Variants in GLIS1 observed in about 807,000 individuals in gnomAD.
GLIS1 encodes the protein GLIS family zinc finger 1.
Under a neutral mutation model 63.8 loss-of-function variants are expected in GLIS1, and 24 were observed. That is an observed-to-expected ratio of 0.38 (90% CI 0.27 to 0.53). GLIS1 has a LOEUF of 0.53. GLIS1 is among the 20% of genes least tolerant of loss of function. GLIS1 has a pLI of 0.85. For missense variants in GLIS1, 1,036 were observed against 1,074.1 expected, an observed-to-expected ratio of 0.96 and a Z score of 0.50; for synonymous variants, 450 against 482.5, an observed-to-expected ratio of 0.93 and a Z score of 0.88.
chr1:53,650,903 T>C (rs61776602), intron 2 of GLIS1, among the ~76,000 whole-genome samples: 16,745 of 152,108 alleles, frequency 0.11, 1,079 homozygotes, highest in South Asian at 0.24. Context: ...CTCCTCACCA[T>C]CCTCTCTCAG....
chr1:53,635,459 C>A, intron 2 of GLIS1, among the ~76,000 whole-genome samples: 1 of 151,122 alleles, frequency 6.6e-6, no homozygotes. Flanking sequence ...TATCATATTC[C>A]CTAAGAAAAA....
chr1:53,737,920 C>T lies in GLIS1; in HGVS notation c.145G>A (p.Gly49Ser). ...GGCCGGGCTAGCAGGTCCCGCGGGC[C>T]CCTGTCCCCGCAGCCGCCGCCACTC... is the stretch of plus-strand genomic sequence containing the variant. Reference protein sequence around the residue: ...TVSGGGCGDRGPRDLLARPPA... With the variant: ...TVSGGGCGDRSPRDLLARPPA... Residue 49 changes from glycine (G) to serine (S), a missense_variant, in exon 2 of 11, where the codon GGC (glycine) becomes AGC (serine). By Grantham distance (56) the Gly-to-Ser change is moderately conservative. This residue lies in a region of GLIS1 where 592 missense variants were observed against 593.9 expected (regional missense o/e 1.00). Transcript: ENST00000628545. 8.1e-7 allele frequency: 1 copy of T among 1,230,160 alleles called. No homozygotes were observed. Among genetic ancestry groups the T allele is most frequent in the Non-Finnish European group, 1.0e-6 (1 of 986,854 alleles). 76.2% of individuals were successfully genotyped at this position (1,230,160 alleles called of 1,614,324 possible). A position where few individuals can be genotyped will look rare whatever the true frequency, so the allele number is the denominator to read the frequency against.
At chr1:53,579,712 G>T (rs1645066678) in intron 4 of GLIS1, among the ~76,000 whole-genome samples, 1 of 152,200 alleles carries the variant, frequency 6.6e-6, no homozygotes, top group South Asian at 2.1e-4. Flanking sequence ...AGCCATGGGG[G>T]CAGCCGTGGG....
At chr1:53,700,259 ACCTCC>A (rs1255553231) in intron 2 of GLIS1, among the ~76,000 whole-genome samples, 1 of 151,490 alleles carries the variant, frequency 6.6e-6, no homozygotes, top group Non-Finnish European at 1.5e-5. Flanking sequence ...GCCAGCCCTC[ACCTCC>A]CCCTCATCAC....
intron 2 of GLIS1, 108 bp downstream of exon 2, chr1:53,737,698 G>C: frequency 9.3e-7 from 1 of 1,074,874 alleles, no homozygotes; most frequent in Non-Finnish European, 1.2e-6. Context: ...GAGAAACTGA[G>C]GAACTCCGAA....
At position 53,672,062 on chromosome 1, in the gene GLIS1, C is replaced by G. The variant is rs548598849; in HGVS notation, c.259+65744G>C. 1.3e-3 allele frequency among the ~76,000 whole-genome samples: 191 copies of G among 152,324 alleles called. 2 individuals carry two copies. The highest frequency in any genetic ancestry group is 4.4e-3 in the African/African-American group (183 of 41,564). ...CCCTGGCCAAGCTGGTTGTGGCCAACTGCAGGGTAGGAGGGCCAAGGCCAA... is the reference window on the plus strand; with the variant it reads ...CCCTGGCCAAGCTGGTTGTGGCCAAGTGCAGGGTAGGAGGGCCAAGGCCAA... On this transcript the variant is annotated intron_variant, in intron 2 of 10. Transcript: ENST00000628545.
chr1:53,676,040 T>C (rs980317157), intron 2 of GLIS1, among the ~76,000 whole-genome samples: 1 of 152,186 alleles, frequency 6.6e-6, no homozygotes, highest in African/African-American at 2.4e-5. Context: ...AACCCTCTTT[T>C]ATTTTGAAGA....
chr1:53,515,570 C>A (rs1327533339), intron 7 of GLIS1, among the ~76,000 whole-genome samples: 1 of 151,970 alleles, frequency 6.6e-6, no homozygotes, highest in Non-Finnish European at 1.5e-5. Context: ...CCTTTTATCA[C>A]CTTTTACCCC....
intron 2 of GLIS1, among the ~76,000 whole-genome samples, chr1:53,717,393 C>T (rs1646711736): frequency 6.6e-6 from 1 of 152,184 alleles, no homozygotes; most frequent in Non-Finnish European, 1.5e-5. Context: ...ACATACATAC[C>T]TACTCACCTT....
chr1:53,520,728 G>A lies in GLIS1; in HGVS notation c.1632C>T (p.Thr544=), dbSNP rs137982477. Residue 544 remains threonine (T), a synonymous_variant, in exon 7 of 11, where the codon ACC becomes ACT. Coordinates refer to ENST00000628545, the MANE Select transcript of GLIS1 (RefSeq NM_001367484.1). ...GGAGCTGCTGCAGGACCAGACACTC[G>A]GTCAGGACGTCGGCCTCGGTGTCAG... is the stretch of plus-strand genomic sequence containing the variant. ...AGPDTEADVL[T]ECLVLQQLHT... The A allele has an allele frequency of 1.7e-4, 278 of 1,607,260 alleles. 4 individuals are homozygous for A. The highest frequency in any genetic ancestry group is 1.1e-3 in the South Asian group (101 of 89,460).
chr1:53,531,187 G>A (rs1245034123), intron 4 of GLIS1, among the ~76,000 whole-genome samples: 1 of 152,224 alleles, frequency 6.6e-6, no homozygotes. Flanking sequence ...GAGGAGGCTG[G>A]CCCCCTCTCA....
At chr1:53,729,691 C>A (rs1646840664) in intron 2 of GLIS1, among the ~76,000 whole-genome samples, 1 of 152,172 alleles carries the variant, frequency 6.6e-6, no homozygotes. Context: ...AGTGAAATAT[C>A]CTGTTTCATA....
intron 2 of GLIS1, among the ~76,000 whole-genome samples, chr1:53,601,366 A>G (rs980544341): frequency 2.0e-5 from 3 of 152,246 alleles, no homozygotes; most frequent in East Asian, 3.8e-4. Context: ...CAGCACTTCA[A>G]CAATTACAAA....
In GLIS1 at chr1:53,594,919, A is replaced by G. The variant is rs1016868843; in HGVS notation, c.509T>C (p.Leu170Ser). ...CTCTGCCATGGCTTGGTAGTCGGGC[A>G]AGGACTCCTGTTTGATGTGTTGTGT... Reference protein sequence around the residue: ...PTTQHIKQESLPDYQAMAEAR... With the variant: ...PTTQHIKQESSPDYQAMAEAR... The change falls in exon 4 of 11, where the codon TTG becomes TCG. Residue 170 changes from leucine (L) to serine (S), a missense_variant. Leu to Ser is a moderately radical substitution (Grantham distance 145, BLOSUM62 -2). Coordinates refer to ENST00000628545, the MANE Select transcript of GLIS1 (RefSeq NM_001367484.1). 1 of 1,510,814 alleles carries G rather than the reference A, an allele frequency of 6.6e-7. No individual in the cohort carries two copies. Among genetic ancestry groups the G allele is most frequent in the African/African-American group, 1.4e-5 (1 of 72,166 alleles). 93.6% of individuals were successfully genotyped at this position (1,510,814 alleles called of 1,614,324 possible). A position where few individuals can be genotyped will look rare whatever the true frequency, so the allele number is the denominator to read the frequency against.
rs372608413 is a variant in GLIS1, at chr1:53,594,809, C to T, written c.619G>A (p.Ala207Thr). Residue 207 changes from alanine (A) to threonine (T), a missense_variant, in exon 4 of 11, where the codon GCC (alanine) becomes ACC (threonine). Physicochemically the swap from Ala to Thr is moderately conservative, Grantham distance 58. Around this residue, in one of 3 missense-constraint regions of GLIS1, gnomAD observed 592 missense variants for 593.9 expected, o/e 1.00. Transcript: ENST00000628545. Reference sequence around the variant, plus strand: ...AGGTAGCAGGAAGGCGCAGGGGTGGCGAGGCTTCGGCCCGGGAGGTCCAGG... The same window carrying T: ...AGGTAGCAGGAAGGCGCAGGGGTGGTGAGGCTTCGGCCCGGGAGGTCCAGG... ...PDLDLPGRSL[A>T]TPAPSCYLLG... The T allele has an allele frequency of 1.3e-4, 211 of 1,606,122 alleles. No individual in the cohort carries two copies. The highest frequency in any genetic ancestry group is 1.7e-4 in the Non-Finnish European group (203 of 1,177,134).
At chr1:53,697,177 C>T (rs1195200736) in intron 2 of GLIS1, among the ~76,000 whole-genome samples, 2 of 152,176 alleles carry the variant, frequency 1.3e-5, no homozygotes, top group South Asian at 2.1e-4. Flanking sequence ...CAACAAACCC[C>T]AAGAATGACA....
chr1:53,592,943 C>T (rs1056316316), intron 4 of GLIS1, among the ~76,000 whole-genome samples: 15 of 152,276 alleles, frequency 9.9e-5, no homozygotes, highest in African/African-American at 2.7e-4. Flanking sequence ...CCCAGGAGGA[C>T]GGAGTTTATG....
chr1:53,715,891 G>A (rs949795603), intron 2 of GLIS1, among the ~76,000 whole-genome samples: 6 of 152,166 alleles, frequency 3.9e-5, no homozygotes, highest in Non-Finnish European at 5.9e-5. Flanking sequence ...AGAATGGGGC[G>A]GTGGCAGGAG....
intron 4 of GLIS1, among the ~76,000 whole-genome samples, chr1:53,545,636 G>A (rs1644690292): frequency 6.6e-6 from 1 of 152,130 alleles, no homozygotes; most frequent in Non-Finnish European, 1.5e-5. Context: ...GGTGTAGTTA[G>A]GGATAACTTT....
Sources: allele counts gnomAD v4.1 joint callset (sites outside exome capture counted in the v4.1 genomes callset), GRCh38; gene constraint gnomAD v4.1.1; regional missense constraint gnomAD v4.1.1; transcripts MANE v1.5; gene names NCBI Gene and HGNC (gene_info 2026-07-23, HGNC 2026-07-21).